The following EEF2K variants were observed in gnomAD, a reference collection of about 807,000 sequenced individuals.
The protein encoded by EEF2K is eukaryotic elongation factor 2 kinase, also known as alternative protein EEF2K.
A neutral mutation model predicts 93.8 loss-of-function variants in EEF2K; 70 were observed. The ratio of observed to expected loss-of-function variants is 0.75; its 90% CI spans 0.62 to 0.91. The LOEUF is 0.91. Among genes scored for constraint, EEF2K ranks in the 40% least tolerant of loss-of-function variants. The pLI is 0.00. For missense variants in EEF2K, 935 were observed against 972.9 expected (o/e 0.96, Z 0.52); for synonymous variants, 376 against 380.8 (o/e 0.99, Z 0.15).
intron 3 of EEF2K, among the ~76,000 whole-genome samples, chr16:22,247,012 T>G (rs906155767): frequency 8.8e-6 from 1 of 113,464 alleles, no homozygotes; most frequent in East Asian, 3.0e-4. Flanking sequence ...CACTCCAGCC[T>G]GGGTGACAGA....
At chr16:22,206,714 G>A (rs2046866664) in intron 1 of EEF2K, 35 bp downstream of exon 1, 1 of 152,850 alleles carries the variant, frequency 6.5e-6, no homozygotes, top group African/African-American at 2.4e-5. Flanking sequence ...GGCTGTGGGG[G>A]GCTGGGAGCC....
intron 15 of EEF2K, among the ~76,000 whole-genome samples, chr16:22,272,599 A>G (rs192769350): frequency 1.3e-5 from 2 of 152,254 alleles, no homozygotes; most frequent in Admixed American, 1.3e-4. Context: ...TGGATTGGTG[A>G]AAGTATTCTG....
At chr16:22,250,241 A>G (rs372327365) in intron 4 of EEF2K, among the ~76,000 whole-genome samples, 2 of 152,096 alleles carry the variant, frequency 1.3e-5, no homozygotes, top group East Asian at 1.9e-4. Flanking sequence ...AACATTTTGC[A>G]TTGGTTTTCA....
Position 22,229,431 on chromosome 16 carries a change from G to A in EEF2K, c.246+3456G>A, listed in dbSNP as rs984001426. On this transcript the variant is annotated intron_variant, in intron 2 of 17. Coordinates refer to ENST00000263026, the MANE Select transcript of EEF2K (RefSeq NM_013302.5). ...AAAGCTGGTATAAAGAAGACGGGGA[G>A]AAGCCGGGCGCGGTGGCTCACGCCT... Among the ~76,000 whole-genome samples, 3 of 152,274 alleles carry A rather than the reference G, an allele frequency of 2.0e-5. No individual in the cohort carries two copies. In the East Asian group the frequency reaches 5.8e-4, roughly 29 times the overall value.
chr16:22,263,050 A>G (rs2047480837), intron 11 of EEF2K, 60 bp from the exon 12 acceptor site: 2 of 1,534,870 alleles, frequency 1.3e-6, no homozygotes, highest in Non-Finnish European at 1.8e-6. Context: ...TTGAGATGTC[A>G]TAACCATTTC....
At position 22,225,882 on chromosome 16, in the gene EEF2K, T is replaced by A. The variant is rs2047058615; in HGVS notation, c.153T>A (p.Asn51Lys). ...PITDDPSSNQ[N>K]VNSKVNKYYS... ...CGGATGACCCAAGCTCGAACCAGAA[T>A]GTCAATTCCAAGGTTAATAAGTACT... Residue 51 changes from asparagine (N) to lysine (K), a missense_variant, in exon 2 of 18, where the codon AAT becomes AAA. Physicochemically the swap from Asn to Lys is moderately conservative, Grantham distance 94. Coordinates refer to ENST00000263026, the MANE Select transcript of EEF2K (RefSeq NM_013302.5). 1.2e-6 allele frequency: 2 copies of A among 1,614,034 alleles called. No homozygotes were observed. The highest frequency in any genetic ancestry group is 1.7e-5 in the Admixed American group (1 of 59,988).
intron 2 of EEF2K, among the ~76,000 whole-genome samples, chr16:22,233,142 T>C (rs762496066): frequency 6.6e-5 from 10 of 152,174 alleles, no homozygotes; most frequent in Non-Finnish European, 1.3e-4. Context: ...AAAGTGCCTC[T>C]GCTCCAGAGT....
intron 3 of EEF2K, among the ~76,000 whole-genome samples, chr16:22,247,037 C>CAAAAA (rs57073413): frequency 6.7e-3 from 92 of 13,698 alleles, no homozygotes; most frequent in Non-Finnish European, 8.0e-3. Flanking sequence ...GACTCCATCT[C>CAAAAA]AAAAAAAAAA....
intron 1 of EEF2K, among the ~76,000 whole-genome samples, chr16:22,222,554 C>T (rs999952205): frequency 1.3e-5 from 2 of 150,624 alleles, no homozygotes; most frequent in Non-Finnish European, 3.0e-5. Flanking sequence ...AATTCACATA[C>T]CTTACAATCT....
At position 22,256,841 on chromosome 16, in the gene EEF2K, A is replaced by G. The variant is rs758782468; in HGVS notation, c.712A>G (p.Lys238Glu). ...GCACTACATCGAGGGCAAGTACATC[A>G]AGTACAACTCCAACTCTGGCTTTGT... ...LEHYIEGKYI[K>E]YNSNSGFVRD... Residue 238 changes from lysine (K) to glutamate (E), a missense_variant, in exon 7 of 18, where the codon AAG (lysine) becomes GAG (glutamate). Coordinates refer to ENST00000263026, the MANE Select transcript of EEF2K (RefSeq NM_013302.5). 4 of 1,614,164 alleles carry G rather than the reference A, an allele frequency of 2.5e-6. No individual in the cohort carries two copies. Among genetic ancestry groups the G allele is most frequent in the Non-Finnish European group, 2.5e-6 (3 of 1,180,028 alleles).
At chr16:22,209,941 A>G (rs2046899010) in intron 1 of EEF2K, among the ~76,000 whole-genome samples, 1 of 152,112 alleles carries the variant, frequency 6.6e-6, no homozygotes, top group African/African-American at 2.4e-5. Flanking sequence ...TACAGACATG[A>G]GCTACCACCA....
chr16:22,231,245 C>T (rs936054448), intron 2 of EEF2K, among the ~76,000 whole-genome samples: 5 of 151,918 alleles, frequency 3.3e-5, no homozygotes, highest in African/African-American at 9.7e-5. Flanking sequence ...CCCGCCACCA[C>T]GCCTTGCTAA....
Position 22,260,955 on chromosome 16 carries a change from A to G in EEF2K, c.1299+426A>G, listed in dbSNP as rs555906723. 5.3e-5 allele frequency among the ~76,000 whole-genome samples: 8 copies of G among 152,288 alleles called. No homozygotes were observed. In the South Asian group the frequency reaches 1.4e-3, roughly 28 times the overall value. On this transcript the variant is annotated intron_variant, in intron 11 of 17. Coordinates refer to ENST00000263026, the MANE Select transcript of EEF2K (RefSeq NM_013302.5). ...AGCTCTCCAGTTAGATAAACAGAAC[A>G]TTTCCTGAAGCTTTGGGTTGACTTG...
chr16:22,209,115 G>A (rs1274496133), intron 1 of EEF2K, among the ~76,000 whole-genome samples: 1 of 152,106 alleles, frequency 6.6e-6, no homozygotes, highest in Non-Finnish European at 1.5e-5. Flanking sequence ...TGCAACCTCT[G>A]CCTCCCAGAT....
Position 22,266,461 on chromosome 16 carries a change from G to C in EEF2K, c.1512G>C (p.Leu504=). 1 of 1,614,206 alleles carries C rather than the reference G, an allele frequency of 6.2e-7. No individual in the cohort carries two copies. The highest frequency in any genetic ancestry group is 8.5e-7 in the Non-Finnish European group (1 of 1,180,044). ...TGCCGAGGGCTTCGGCCGTGGCCCT[G>C]GAAGTGCAAAGGCTTAATGCTCTGG... is the stretch of plus-strand genomic sequence containing the variant. The part of the protein sequence containing the change: ...LHLPRASAVA[L]EVQRLNALDL... The change falls in exon 14 of 18, where the codon CTG becomes CTC. Residue 504 remains leucine, a synonymous_variant. Transcript: ENST00000263026.
chr16:22,238,951 A>C (rs2047195241), intron 2 of EEF2K, among the ~76,000 whole-genome samples: 1 of 152,148 alleles, frequency 6.6e-6, no homozygotes, highest in African/African-American at 2.4e-5. Context: ...GGGGCCACAA[A>C]AAAGTGGACC....
At chr16:22,256,922 T>G (rs757025617) in intron 7 of EEF2K, 25 bp downstream of exon 7, 9 of 1,611,946 alleles carry the variant, frequency 5.6e-6, no homozygotes. Flanking sequence ...ACCTCCACCC[T>G]CTGCCCACCA....
chr16:22,265,712 G>A (rs1005109986), intron 13 of EEF2K, among the ~76,000 whole-genome samples: 7 of 152,240 alleles, frequency 4.6e-5, no homozygotes, highest in Non-Finnish European at 8.8e-5. Context: ...GCATGCAAAC[G>A]TGCACACGCA....
intron 2 of EEF2K, among the ~76,000 whole-genome samples, chr16:22,226,325 CTTTTTTT>C (rs935058417): frequency 4.7e-5 from 3 of 63,668 alleles, no homozygotes; most frequent in Admixed American, 1.8e-4. Flanking sequence ...AGGTGCTGTT[CTTTTTTT>C]TTTTTTTTTT....
Sources: gnomAD v4.1 joint callset for allele counts (sites outside exome capture counted in the v4.1 genomes callset) on GRCh38, gnomAD v4.1.1 for gene constraint, MANE v1.5 for transcripts, NCBI Gene and HGNC (gene_info 2026-07-23, HGNC 2026-07-21) for gene names.